The following CDKAL1 variants were observed in gnomAD, a reference collection of about 807,000 sequenced individuals.
CDKAL1 encodes threonylcarbamoyladenosine tRNA methylthiotransferase.
CDKAL1 carries 32 observed loss-of-function variants against 68.2 expected under a neutral mutation model. That is an observed-to-expected ratio of 0.47 (90% CI 0.35 to 0.63). The LOEUF is 0.63. Among genes scored for constraint, CDKAL1 ranks in the 30% least tolerant of loss-of-function variants. The probability of loss-of-function intolerance (pLI) is 0.00; values close to 1 mark genes in which losing one functional copy is unlikely to be tolerated. For synonymous variants in CDKAL1, 234 were observed against 244.3 expected, an observed-to-expected ratio of 0.96 and a Z score of 0.39; for missense variants, 606 against 696.7, an observed-to-expected ratio of 0.87 and a Z score of 1.47.
At chr6:21,124,904 A>G (rs1415139344) in intron 13 of CDKAL1, among the ~76,000 whole-genome samples, 1 of 151,906 alleles carries the variant, frequency 6.6e-6, no homozygotes, top group Non-Finnish European at 1.5e-5. Context: ...CAGCCCCAAC[A>G]TGATCCATAA....
rs961169986 is a variant in CDKAL1 at position 21,020,504 on chromosome 6, AT to A, written c.1055+20134del. Among the ~76,000 whole-genome samples the A allele has an allele frequency of 7.7e-4, 117 of 151,980 alleles. 1 individual carries two copies. Among genetic ancestry groups the A allele is most frequent in the African/African-American group, 2.7e-3 (110 of 41,472 alleles). ...TATTTTGAGATAGAGTTTCACTCTTATTGTCCAGGCTGGAGTGCAATGGCAC... is the reference window on the plus strand; with the variant it reads ...TATTTTGAGATAGAGTTTCACTCTTATGTCCAGGCTGGAGTGCAATGGCAC... On this transcript the variant is annotated intron_variant, in intron 11 of 15. Coordinates refer to ENST00000274695, the MANE Select transcript of CDKAL1 (RefSeq NM_017774.3).
intron 15 of CDKAL1, among the ~76,000 whole-genome samples, chr6:21,226,203 T>C (rs931657564): frequency 9.2e-5 from 14 of 152,278 alleles, no homozygotes; most frequent in South Asian, 6.2e-4. Flanking sequence ...GAAATAGAGA[T>C]AGACTGTTGT....
chr6:21,051,340 C>G (rs1466791696), intron 11 of CDKAL1, among the ~76,000 whole-genome samples: 3 of 152,174 alleles, frequency 2.0e-5, no homozygotes, highest in Admixed American at 2.0e-4. Context: ...CACTACTGCA[C>G]TCCAACCTAG....
chr6:21,197,928 C>G (rs1321842731), intron 13 of CDKAL1, 93 bp from the exon 14 acceptor site: 19 of 692,266 alleles, frequency 2.7e-5, no homozygotes, highest in Admixed American at 5.4e-5. Flanking sequence ...GCTACTTGGT[C>G]CAGACCTACC....
intron 12 of CDKAL1, among the ~76,000 whole-genome samples, chr6:21,102,726 AT>A (rs964671155): frequency 6.6e-6 from 1 of 151,790 alleles, no homozygotes; most frequent in African/African-American, 2.4e-5. Flanking sequence ...CTCTTTTGGA[AT>A]TTTTTTTGGG....
chr6:21,158,067 T>G (rs1225075013), intron 13 of CDKAL1, among the ~76,000 whole-genome samples: 1 of 152,250 alleles, frequency 6.6e-6, no homozygotes, highest in East Asian at 1.9e-4. Context: ...AACAGACAAG[T>G]TATATTTTAT....
chr6:21,182,969 G>C (rs957685352), intron 13 of CDKAL1, among the ~76,000 whole-genome samples: 2 of 152,138 alleles, frequency 1.3e-5, no homozygotes, highest in Non-Finnish European at 2.9e-5. Flanking sequence ...TCATTAAGAT[G>C]ATGGGCCCCT....
chr6:21,111,073 T>TG (rs953222965), intron 13 of CDKAL1, among the ~76,000 whole-genome samples: 1 of 152,100 alleles, frequency 6.6e-6, no homozygotes, highest in Non-Finnish European at 1.5e-5. Flanking sequence ...AAATGATGTT[T>TG]GGGGGGTGTT....
chr6:20,552,586 G>C (rs1581713598), intron 4 of CDKAL1, among the ~76,000 whole-genome samples: 1 of 148,742 alleles, frequency 6.7e-6, no homozygotes, highest in Admixed American at 6.8e-5. Context: ...TAGTTAAAAA[G>C]AGAAAATAAG....
intron 9 of CDKAL1, among the ~76,000 whole-genome samples, chr6:20,880,898 G>T (rs1760778437): frequency 6.6e-6 from 1 of 152,300 alleles, no homozygotes; most frequent in South Asian, 2.1e-4. Context: ...GCTTGAATGT[G>T]TTGGGTTTTT....
chr6:20,693,701 C>T (rs1185093547), intron 5 of CDKAL1, among the ~76,000 whole-genome samples: 1 of 152,164 alleles, frequency 6.6e-6, no homozygotes, highest in Admixed American at 6.5e-5. Flanking sequence ...TTTGCCTTTC[C>T]TTGTCATGTC....
chr6:20,560,314 T>C (rs1764218383), intron 4 of CDKAL1, among the ~76,000 whole-genome samples: 1 of 152,168 alleles, frequency 6.6e-6, no homozygotes, highest in South Asian at 2.1e-4. Context: ...TCAGAGGCAG[T>C]ATGACCCTTT....
chr6:20,665,027 T>A (rs766093490), intron 5 of CDKAL1, among the ~76,000 whole-genome samples: 1 of 152,060 alleles, frequency 6.6e-6, no homozygotes, highest in Non-Finnish European at 1.5e-5. Flanking sequence ...CATATGCAGC[T>A]GAGACTCTGG....
intron 12 of CDKAL1, among the ~76,000 whole-genome samples, chr6:21,105,379 G>T (rs1374249466): frequency 6.6e-6 from 1 of 152,160 alleles, no homozygotes; most frequent in Non-Finnish European, 1.5e-5. Flanking sequence ...AATTTTGGCT[G>T]ATCTGTAGGA....
intron 5 of CDKAL1, among the ~76,000 whole-genome samples, chr6:20,733,480 G>A (rs111533243): frequency 1.4e-4 from 22 of 152,196 alleles, no homozygotes; most frequent in Admixed American, 3.3e-4. Context: ...CATGACACCC[G>A]GCTATTTGAA....
At chr6:21,099,873 A>G (rs999836160) in intron 12 of CDKAL1, among the ~76,000 whole-genome samples, 32 of 152,248 alleles carry the variant, frequency 2.1e-4, no homozygotes, top group Admixed American at 2.0e-3. Context: ...ATTACTGCAA[A>G]TTAGTTAAGT....
chr6:21,082,333 G>T (rs1772450683), intron 12 of CDKAL1, among the ~76,000 whole-genome samples: 1 of 152,158 alleles, frequency 6.6e-6, no homozygotes, highest in Non-Finnish European at 1.5e-5. Flanking sequence ...AACAAACATA[G>T]TCTATGCTTT....
intron 9 of CDKAL1, among the ~76,000 whole-genome samples, chr6:20,909,071 A>T (rs1762348989): frequency 6.6e-6 from 1 of 152,228 alleles, no homozygotes; most frequent in Admixed American, 6.5e-5. Context: ...ATAAAAATGC[A>T]AACACCATAA....
At chr6:20,638,229 C>T (rs1036267759) in intron 4 of CDKAL1, among the ~76,000 whole-genome samples, 2 of 152,146 alleles carry the variant, frequency 1.3e-5, no homozygotes, top group Non-Finnish European at 2.9e-5. Context: ...GGATTTTTGA[C>T]AGTCTAGTAA....
Sources: gnomAD v4.1 joint callset for allele counts (sites outside exome capture counted in the v4.1 genomes callset) on GRCh38, gnomAD v4.1.1 for gene constraint, MANE v1.5 for transcripts, NCBI Gene and HGNC (gene_info 2026-07-23, HGNC 2026-07-21) for gene names.